Variants in GNG7 observed in about 807,000 individuals in gnomAD.
GNG7 encodes guanine nucleotide-binding protein G(I)/G(S)/G(O) subunit gamma-7.
A neutral mutation model predicts 4.0 loss-of-function variants in GNG7; 1 was observed. The observed-to-expected ratio is 0.25, with a 90% CI of 0.09 to 1.18. GNG7 has a LOEUF of 1.18. GNG7 is among the 50% of genes most tolerant of loss of function. The pLI, the probability that GNG7 is intolerant of heterozygous loss-of-function variation, is 0.50. For missense variants in GNG7, 86 were observed against 91.9 expected (o/e 0.94, Z 0.26); for synonymous variants, 34 against 36.9 (o/e 0.92, Z 0.29).
At chr19:2,658,507 G>C (rs1007267669) in intron 1 of GNG7, among the ~76,000 whole-genome samples, 1 of 103,644 alleles carries the variant, frequency 9.6e-6, no homozygotes, top group Non-Finnish European at 2.1e-5. Flanking sequence ...CAAAGGCAGA[G>C]ACACCCAAGT....
Position 2,611,837 on chromosome 19 carries a change from A to C in GNG7, c.-78+34387T>G, listed in dbSNP as rs1262090793. On this transcript the variant is annotated intron_variant, in intron 2 of 4. Transcript: ENST00000382159. The surrounding 1 kb of genome is among the most constrained non-coding windows in gnomAD (Gnocchi z 6.0). ...GGCGACAGAGGGAGATTCTGTCTCT[A>C]AAAAAATAAAAAGTAAAAGTAAAAG... 6.6e-6 allele frequency: 1 copy of C among 152,186 alleles called. No homozygotes were observed. The highest frequency in any genetic ancestry group is 1.5e-5 in the Non-Finnish European group (1 of 68,042). 9.4% of individuals were successfully genotyped at this position (152,186 alleles called of 1,614,324 possible). A position where few individuals can be genotyped will look rare whatever the true frequency, so the allele number is the denominator to read the frequency against.
chr19:2,540,791 C>T (rs1568236712), intron 3 of GNG7, among the ~76,000 whole-genome samples: 5 of 152,218 alleles, frequency 3.3e-5, no homozygotes, highest in East Asian at 1.9e-4. Flanking sequence ...TGTGATGCCA[C>T]GGCCACTCTT....
chr19:2,643,305 C>A lies in GNG7; in HGVS notation c.-78+2919G>T, dbSNP rs552797654. The A allele has an allele frequency of 2.6e-5, 11 of 416,406 alleles. 1 individual carries two copies. The Admixed American group carries it at 3.0e-4, about 11-fold the overall frequency. The allele number at this position is 416,406 out of a possible 1,614,324, so 25.8% of individuals were successfully genotyped here. A position where few individuals can be genotyped will look rare whatever the true frequency, so the allele number is the denominator to read the frequency against. Reference sequence around the variant, plus strand: ...CCATGTGCACCGGAAATGCAAAGTCCGAGACCTCCCCGGACTCTGCACACC... The same window carrying A: ...CCATGTGCACCGGAAATGCAAAGTCAGAGACCTCCCCGGACTCTGCACACC... On this transcript the variant is annotated intron_variant, in intron 2 of 4. Transcript: ENST00000382159.
chr19:2,589,725 G>A (rs977429735), intron 2 of GNG7, among the ~76,000 whole-genome samples: 1 of 152,152 alleles, frequency 6.6e-6, no homozygotes, highest in African/African-American at 2.4e-5. Flanking sequence ...AAACCTCACT[G>A]CATACGCACT....
chr19:2,545,157 C>T (rs532955190), intron 3 of GNG7, among the ~76,000 whole-genome samples: 13 of 151,636 alleles, frequency 8.6e-5, no homozygotes, highest in African/African-American at 2.4e-4. Context: ...GAGGTAATTC[C>T]GTCCCCCAGG....
intron 2 of GNG7, among the ~76,000 whole-genome samples, chr19:2,603,259 G>T (rs1568259542): frequency 6.6e-6 from 1 of 152,218 alleles, no homozygotes; most frequent in East Asian, 1.9e-4. Flanking sequence ...TAGAGACGGG[G>T]TTTCACCGTG....
chr19:2,549,195 G>A (rs769095096), intron 3 of GNG7, among the ~76,000 whole-genome samples: 2 of 152,140 alleles, frequency 1.3e-5, no homozygotes, highest in South Asian at 2.1e-4. Flanking sequence ...CACAGCAAAC[G>A]GCAAGAAGGC....
intron 2 of GNG7, among the ~76,000 whole-genome samples, chr19:2,616,782 A>C (rs944154018): frequency 2.0e-5 from 3 of 151,874 alleles, no homozygotes; most frequent in African/African-American, 2.4e-5. Flanking sequence ...AAAAAAAAAA[A>C]CCAGACAAAT....
intron 1 of GNG7, among the ~76,000 whole-genome samples, chr19:2,697,563 T>C (rs775946006): frequency 1.3e-5 from 2 of 152,136 alleles, no homozygotes; most frequent in African/African-American, 4.8e-5. Context: ...AAAGAGTGCA[T>C]GTATAAAAAG....
intron 3 of GNG7, among the ~76,000 whole-genome samples, chr19:2,541,010 C>T (rs992720739): frequency 2.6e-5 from 4 of 152,232 alleles, no homozygotes; most frequent in African/African-American, 7.2e-5. Flanking sequence ...CTGGCCGGGG[C>T]GGCCTGCGTA....
At chr19:2,598,596 G>A (rs569969881) in intron 2 of GNG7, among the ~76,000 whole-genome samples, 2 of 151,678 alleles carry the variant, frequency 1.3e-5, no homozygotes, top group South Asian at 2.1e-4. Flanking sequence ...GGCAGAGCTT[G>A]CAGTGAGCTG....
intron 3 of GNG7, among the ~76,000 whole-genome samples, chr19:2,534,371 T>G (rs1423151241): frequency 1.3e-5 from 2 of 152,210 alleles, no homozygotes; most frequent in African/African-American, 4.8e-5. Context: ...CAGTTGAATC[T>G]GTTCCTCCCC....
chr19:2,670,097 C>A (rs891321849), intron 1 of GNG7, among the ~76,000 whole-genome samples: 2 of 151,882 alleles, frequency 1.3e-5, no homozygotes, highest in African/African-American at 4.9e-5. Flanking sequence ...TACTTCAAGG[C>A]CTCTGACTGT....
chr19:2,612,024 G>A (rs943983133), intron 2 of GNG7, among the ~76,000 whole-genome samples: 5 of 151,736 alleles, frequency 3.3e-5, no homozygotes, highest in East Asian at 1.9e-4. Context: ...ACAGGCACCC[G>A]CCACCACGCC....
chr19:2,620,869 T>C (rs1331837033), intron 2 of GNG7, among the ~76,000 whole-genome samples: 1 of 152,132 alleles, frequency 6.6e-6, no homozygotes, highest in Admixed American at 6.5e-5. Context: ...GCGGTGGAAA[T>C]GCTGGCTGCC....
chr19:2,671,768 T>A (rs1309273052), intron 1 of GNG7, among the ~76,000 whole-genome samples: 2 of 152,108 alleles, frequency 1.3e-5, no homozygotes, highest in Non-Finnish European at 2.9e-5. Flanking sequence ...GATTTTTAGT[T>A]TCATTTTATT....
chr19:2,696,292 G>GAGAGAAAGAAAGAA (rs1555705038), intron 1 of GNG7, among the ~76,000 whole-genome samples: 1 of 108,512 alleles, frequency 9.2e-6, no homozygotes, highest in African/African-American at 3.7e-5. Context: ...AAGAGAGAGA[G>GAGAGAAAGAAAGAA]AGAAAGAAAG....
In GNG7 at chr19:2,702,675, C is replaced by G. The variant is rs1913438471; in HGVS notation, c.-164G>C. ...GCTCGGGCCCCGCGGCCGCCTCAGC[C>G]CCGCCGCGCAGCCGAACCCTCCGCC... On this transcript the variant is annotated 5_prime_UTR_variant, in exon 1 of 5. Transcript: ENST00000382159. 1 of 151,312 alleles carries G rather than the reference C, an allele frequency of 6.6e-6. No individual in the cohort carries two copies. Among genetic ancestry groups the G allele is most frequent in the African/African-American group, 2.4e-5 (1 of 41,308 alleles). 9.4% of individuals were successfully genotyped at this position (151,312 alleles called of 1,614,324 possible). A position where few individuals can be genotyped will look rare whatever the true frequency, so the allele number is the denominator to read the frequency against.
intron 2 of GNG7, among the ~76,000 whole-genome samples, chr19:2,594,424 A>AAGGAAGGAAGGC (rs1387625668): frequency 7.2e-6 from 1 of 139,792 alleles, no homozygotes; most frequent in Non-Finnish European, 1.6e-5. Flanking sequence ...GGAAGGAAGG[A>AAGGAAGGAAGGC]AGGAAGGAAG....
Sources: gnomAD v4.1 joint callset for allele counts (sites outside exome capture counted in the v4.1 genomes callset) on GRCh38, gnomAD v4.1.1 for gene constraint, Gnocchi (gnomAD v3.1) non-coding constraint, MANE v1.5 for transcripts, NCBI Gene and HGNC (gene_info 2026-07-23, HGNC 2026-07-21) for gene names.